The following USH2A variants were observed in gnomAD, a reference collection of about 807,000 sequenced individuals.
USH2A encodes the protein Usher syndrome 2A (autosomal recessive, mild).
In USH2A, 443 loss-of-function variants were observed where a neutral mutation model predicts 538.9. The observed-to-expected ratio is 0.82, with a 90% confidence interval of 0.76 to 0.89. USH2A has a LOEUF of 0.89. USH2A is among the 40% of genes least tolerant of loss of function. USH2A has a pLI of 0.00. For missense variants in USH2A, 6,633 were observed against 6,324.8 expected (o/e 1.05, Z -1.65); for synonymous variants, 2,413 against 2,273.5 (o/e 1.06, Z -1.75).
At chr1:216,213,600 A>G (rs771413044) in intron 15 of USH2A, among the ~76,000 whole-genome samples, 1 of 152,216 alleles carries the variant, frequency 6.6e-6, no homozygotes, top group Admixed American at 6.5e-5. Context: ...AAATTATTTC[A>G]TGGATCTAAA....
chr1:216,000,441 T>TG lies in USH2A; in HGVS notation c.6446dup (p.Val2150SerfsTer8). ...TTCTAGAATCCAGGACAGTCAGAACTGGGGAATCCACGTGTTCTGGTGGCA... is the reference window on the plus strand; with the variant it reads ...TTCTAGAATCCAGGACAGTCAGAACTGGGGGAATCCACGTGTTCTGGTGGCA... On this transcript the variant is annotated frameshift_variant, in exon 33 of 72. Transcript: ENST00000307340. LOFTEE classifies it high-confidence loss of function. The TG allele has an allele frequency of 6.2e-7, 1 of 1,613,666 alleles. No homozygotes were observed. Among genetic ancestry groups the TG allele is most frequent in the Non-Finnish European group, 8.5e-7 (1 of 1,179,714 alleles).
intron 14 of USH2A, among the ~76,000 whole-genome samples, chr1:216,221,634 C>T (rs2035459817): frequency 6.6e-6 from 1 of 152,182 alleles, no homozygotes; most frequent in East Asian, 1.9e-4. Context: ...TAGAGAAACT[C>T]ATAAAAGCTG....
At chr1:216,324,108 A>C in intron 7 of USH2A, 60 bp downstream of exon 7, 1 of 1,559,834 alleles carries the variant, frequency 6.4e-7, no homozygotes, top group South Asian at 1.2e-5. Flanking sequence ...GAGCTAGCAT[A>C]CTTGTACATT....
intron 44 of USH2A, among the ~76,000 whole-genome samples, chr1:215,862,512 A>G (rs934412245): frequency 6.6e-6 from 1 of 152,180 alleles, no homozygotes; most frequent in African/African-American, 2.4e-5. Context: ...ATGTTTACAT[A>G]TGTAACAAAC....
chr1:215,912,501 ATATATATATACGTG>A lies in USH2A; in HGVS notation c.7301-11610_7301-11597del, dbSNP rs1185623057. Among the ~76,000 whole-genome samples, 272 of 27,626 alleles carry A rather than the reference ATATATATATACGTG, an allele frequency of 9.8e-3. 2 individuals carry two copies. The highest frequency in any genetic ancestry group is 0.023 in the African/African-American group (260 of 11,388). The allele number at this position is 27,626 out of a possible 152,430, so 18.1% of individuals were successfully genotyped here. A position where few individuals can be genotyped will look rare whatever the true frequency, so the allele number is the denominator to read the frequency against. On this transcript the variant is annotated intron_variant, in intron 38 of 71. Coordinates refer to ENST00000307340, the MANE Select transcript of USH2A (RefSeq NM_206933.4). Reference sequence around the variant, plus strand: ...CGTATATATATATATGTGTATATATATATATATATACGTGTATATATATATATATATATATGAAG... The same window carrying A: ...CGTATATATATATATGTGTATATATATATATATATATATATATATATGAAG...
intron 32 of USH2A, among the ~76,000 whole-genome samples, chr1:216,042,912 C>T (rs776198243): frequency 2.0e-5 from 3 of 151,996 alleles, no homozygotes; most frequent in Non-Finnish European, 4.4e-5. Flanking sequence ...TCCATGTGCA[C>T]CTACAGTGAG....
At chr1:215,640,000 A>G (rs1656621260) in intron 68 of USH2A, among the ~76,000 whole-genome samples, 1 of 152,170 alleles carries the variant, frequency 6.6e-6, no homozygotes, top group African/African-American at 2.4e-5. Context: ...GCATTTTCTC[A>G]TTTCAATTTA....
rs190998311 is a variant in USH2A at position 216,182,254 on chromosome 1, C to T, written c.4397-6772G>A. On this transcript the variant is annotated intron_variant, in intron 20 of 71. Transcript: ENST00000307340. The stretch of plus-strand genomic sequence containing the variant: ...TTTCTTTCCTTGCAGTTTTTTAGGG[C>T]GTATCTGTCAAAATATTTTGCATAG... 7.9e-5 allele frequency among the ~76,000 whole-genome samples: 12 copies of T among 152,050 alleles called. No individual in the cohort carries two copies. The East Asian group carries it at 1.9e-3, about 25-fold the overall frequency.
chr1:216,369,979 C>G (rs1054522343), intron 3 of USH2A, among the ~76,000 whole-genome samples: 1 of 149,054 alleles, frequency 6.7e-6, no homozygotes, highest in Admixed American at 6.7e-5. Context: ...TATGCATATT[C>G]ATTCTTTTTA....
chr1:215,759,538 G>A, intron 57 of USH2A, 122 bp downstream of exon 57: 1 of 1,186,214 alleles, frequency 8.4e-7, no homozygotes, highest in Non-Finnish European at 1.2e-6. Context: ...TTATTGAATG[G>A]CCAATGAATG....
At chr1:215,730,546 C>A (rs567688010) in intron 60 of USH2A, among the ~76,000 whole-genome samples, 1 of 152,258 alleles carries the variant, frequency 6.6e-6, no homozygotes, top group African/African-American at 2.4e-5. Context: ...TCTTCAGATG[C>A]TGAAAAATTC....
intron 58 of USH2A, 51 bp from the exon 59 acceptor site, chr1:215,743,386 A>ATATG (rs878870284): frequency 0.02 from 6,671 of 327,530 alleles, 222 homozygotes; most frequent in Admixed American, 0.025. Context: ...ATATATATAT[A>ATATG]TGTGTGTGTG....
In USH2A at chr1:215,693,116, G is replaced by GTATATATATATATATATA. The variant is rs1553253927; in HGVS notation, c.12067-12758_12067-12741dup. Among the ~76,000 whole-genome samples, 6 of 133,544 alleles carry GTATATATATATATATATA rather than the reference G, an allele frequency of 4.5e-5. No individual in the cohort carries two copies. In the South Asian group the frequency reaches 1.2e-3, roughly 27 times the overall value. 87.6% of individuals were successfully genotyped at this position (133,544 alleles called of 152,430 possible). A position where few individuals can be genotyped will look rare whatever the true frequency, so the allele number is the denominator to read the frequency against. Reference sequence around the variant, plus strand: ...TATGTGTGTGTGTGTGTGTGTATGTGTATATATATATATATATACACACAC... The same window carrying GTATATATATATATATATA: ...TATGTGTGTGTGTGTGTGTGTATGTGTATATATATATATATATATATATATATATATATATACACACAC... On this transcript the variant is annotated intron_variant, in intron 61 of 71. Coordinates refer to ENST00000307340, the MANE Select transcript of USH2A (RefSeq NM_206933.4).
rs139502089 is a variant in USH2A at position 215,782,814 on chromosome 1, A to T, written c.10509T>A (p.Ser3503Arg). The stretch of plus-strand genomic sequence containing the variant: ...TGTCTATTTTGGTCCACGTAGGGGG[A>T]CTCACTCCTTGAGGCACATCTTCTT... ...RTKEDVPQGV[S>R]PPTWTKIDNL... The change falls in exon 53 of 72, where the codon AGT (serine) becomes AGA (arginine). Residue 3503 changes from serine to arginine, a missense_variant. Transcript: ENST00000307340. 14 of 1,613,672 alleles carry T rather than the reference A, an allele frequency of 8.7e-6. No homozygotes were observed. In the African/African-American group the frequency reaches 1.7e-4, roughly 20 times the overall value.
intron 61 of USH2A, among the ~76,000 whole-genome samples, chr1:215,690,661 TC>T (rs1161556440): frequency 6.6e-6 from 1 of 151,732 alleles, no homozygotes; most frequent in African/African-American, 2.4e-5. Flanking sequence ...CCTGCAGTCT[TC>T]CCTTTTTTTC....
At chr1:216,065,219 C>A (rs1331178455) in intron 30 of USH2A, among the ~76,000 whole-genome samples, 8 of 152,154 alleles carry the variant, frequency 5.3e-5, no homozygotes, top group Non-Finnish European at 1.5e-5. Flanking sequence ...AAGAAGGTAT[C>A]CTTCAGAATC....
In USH2A at chr1:215,900,799, G is replaced by T; in HGVS notation, c.7407C>A (p.Tyr2469Ter). ...AGTCGCCAGACCTCATCTGGAGTTGGTATCTGGGAGAGCCAGGAGCGTTAT... is the reference window on the plus strand; with the variant it reads ...AGTCGCCAGACCTCATCTGGAGTTGTTATCTGGGAGAGCCAGGAGCGTTAT... The part of the protein sequence containing the change: ...ARNNAPGSPR[Y>*]QLQMRSGDST... The change falls in exon 39 of 72, where the codon TAC becomes TAA. Residue 2469 changes from tyrosine (Y) to a stop codon, truncating the protein, a stop_gained. Coordinates refer to ENST00000307340, the MANE Select transcript of USH2A (RefSeq NM_206933.4). LOFTEE classifies it high-confidence loss of function. 1.2e-6 allele frequency: 2 copies of T among 1,613,766 alleles called. No homozygotes were observed. Among genetic ancestry groups the T allele is most frequent in the Non-Finnish European group, 1.7e-6 (2 of 1,179,786 alleles).
rs376193847 is a variant in USH2A, at chr1:216,198,490, C to A, written c.3906G>T (p.Trp1302Cys). 3.1e-6 allele frequency: 5 copies of A among 1,613,866 alleles called. No individual in the cohort carries two copies. The highest frequency in any genetic ancestry group is 2.7e-5 in the African/African-American group (2 of 74,900). Residue 1302 changes from tryptophan (W) to cysteine (C), a missense_variant, in exon 18 of 72, where the codon TGG becomes TGT. Transcript: ENST00000307340. ...EESRVFQSSG[W>C]LSPHSFVESA... The stretch of plus-strand genomic sequence containing the variant: ...ATTCTACAAATGAATGAGGACTGAG[C>A]CAACCACTGCTCTGAAAAACTCGAC...
chr1:216,370,227 G>C (rs980841337), intron 3 of USH2A, among the ~76,000 whole-genome samples: 1 of 151,884 alleles, frequency 6.6e-6, no homozygotes, highest in Non-Finnish European at 1.5e-5. Flanking sequence ...CAGTTGTGGT[G>C]GTGCATTCCT....
Sources: gnomAD v4.1 joint callset for allele counts (sites outside exome capture counted in the v4.1 genomes callset) on GRCh38, gnomAD v4.1.1 for gene constraint, MANE v1.5 for transcripts, NCBI Gene and HGNC (gene_info 2026-07-23, HGNC 2026-07-21) for gene names.